Variants in TMPRSS15 observed in about 807,000 individuals in gnomAD.
TMPRSS15 encodes transmembrane serine protease 15, also known as enteropeptidase.
TMPRSS15 carries 128 observed loss-of-function variants against 125.3 expected under a neutral mutation model. The ratio of observed to expected loss-of-function variants is 1.02; its 90% CI spans 0.89 to 1.18. TMPRSS15 has a LOEUF of 1.18. TMPRSS15 is among the 50% of genes most tolerant of loss of function. TMPRSS15 has a pLI of 0.00. For synonymous variants in TMPRSS15, 446 were observed against 423.2 expected, an observed-to-expected ratio of 1.05 and a Z score of -0.66; for missense variants, 1,283 against 1,212.7, an observed-to-expected ratio of 1.06 and a Z score of -0.86.
intron 1 of TMPRSS15, among the ~76,000 whole-genome samples, chr21:18,453,607 T>C (rs1345304388): frequency 1.3e-5 from 2 of 152,050 alleles, no homozygotes; most frequent in Non-Finnish European, 2.9e-5. Flanking sequence ...CCTCAAAAAA[T>C]TAAAAATAGA....
chr21:18,316,270 T>G (rs571697045), intron 16 of TMPRSS15, among the ~76,000 whole-genome samples: 11 of 152,306 alleles, frequency 7.2e-5, no homozygotes, highest in Middle Eastern at 3.4e-3. Context: ...CCTCGTAATT[T>G]CGTTAGTATC....
intron 13 of TMPRSS15, among the ~76,000 whole-genome samples, chr21:18,340,797 C>T (rs2075438413): frequency 6.6e-6 from 1 of 152,138 alleles, no homozygotes; most frequent in Non-Finnish European, 1.5e-5. Context: ...GTGGCCAGTA[C>T]AACATTTGTT....
intron 18 of TMPRSS15, among the ~76,000 whole-genome samples, chr21:18,302,463 T>G (rs1268639434): frequency 6.6e-6 from 1 of 152,200 alleles, no homozygotes; most frequent in Non-Finnish European, 1.5e-5. Context: ...TATTTAACCA[T>G]GTATTGCATT....
At chr21:18,418,571 A>AC (rs905230629) in intron 1 of TMPRSS15, among the ~76,000 whole-genome samples, 75 of 151,278 alleles carry the variant, frequency 5.0e-4, no homozygotes, top group African/African-American at 1.7e-3. Flanking sequence ...GGAAAATGTT[A>AC]CCCCCCCAAT....
chr21:18,311,042 T>C (rs373815762), intron 18 of TMPRSS15, among the ~76,000 whole-genome samples: 20 of 151,332 alleles, frequency 1.3e-4, no homozygotes, highest in African/African-American at 4.4e-4. Context: ...ATATGAAGTA[T>C]GAAACTAGAC....
intron 6 of TMPRSS15, among the ~76,000 whole-genome samples, chr21:18,368,154 A>T (rs1188166566): frequency 1.3e-5 from 2 of 152,114 alleles, no homozygotes; most frequent in African/African-American, 2.4e-5. Flanking sequence ...ATCTGTAAAA[A>T]CCTGTTTGTA....
intron 3 of TMPRSS15, among the ~76,000 whole-genome samples, chr21:18,387,858 G>A (rs769733181): frequency 5.9e-5 from 9 of 152,212 alleles, no homozygotes; most frequent in East Asian, 3.9e-4. Context: ...TACAGTTGAC[G>A]TAGGTACTGT....
At chr21:18,392,776 A>C (rs1436634264) in intron 3 of TMPRSS15, among the ~76,000 whole-genome samples, 2 of 152,212 alleles carry the variant, frequency 1.3e-5, no homozygotes, top group Non-Finnish European at 2.9e-5. Flanking sequence ...CAGGAAACTT[A>C]AAATCATGGC....
intron 16 of TMPRSS15, among the ~76,000 whole-genome samples, chr21:18,324,345 C>T (rs1444179001): frequency 2.6e-5 from 4 of 152,126 alleles, no homozygotes; most frequent in African/African-American, 9.7e-5. Flanking sequence ...TTTCCTGCAG[C>T]AATTTTTGTG....
chr21:18,477,009 T>C (rs546548833), intron 1 of TMPRSS15, among the ~76,000 whole-genome samples: 81 of 152,208 alleles, frequency 5.3e-4, no homozygotes, highest in South Asian at 4.4e-3. Flanking sequence ...GGAAACTCTA[T>C]TACCCTATAT....
chr21:18,365,475 T>A (rs1196965921), intron 6 of TMPRSS15, among the ~76,000 whole-genome samples: 1 of 151,190 alleles, frequency 6.6e-6, no homozygotes, highest in African/African-American at 2.5e-5. Flanking sequence ...TCTCTCTTTC[T>A]CTCTTTCTTT....
At position 18,313,039 on chromosome 21, in the gene TMPRSS15, C is replaced by A. The variant is rs2146936188; in HGVS notation, c.2071G>T (p.Val691Leu). The change falls in exon 18 of 25, where the codon GTG becomes TTG. Residue 691 changes from valine to leucine, a missense_variant. Val to Leu is a conservative substitution (Grantham distance 32). Transcript: ENST00000284885. ...FNGTTNNNGL[V>L]RFRIQSIWHT... ...CATATGCTCTGGATTCTGAACCGCA[C>A]TAAACCATTGTTGTTCGTTGTGCCA... The A allele has an allele frequency of 6.2e-7, 1 of 1,613,958 alleles. No homozygotes were observed. Among genetic ancestry groups the A allele is most frequent in the Non-Finnish European group, 8.5e-7 (1 of 1,179,950 alleles).
At chr21:18,315,061 C>T (rs1380835179) in intron 17 of TMPRSS15, 85 bp downstream of exon 17, 12 of 1,110,834 alleles carry the variant, frequency 1.1e-5, no homozygotes, top group African/African-American at 1.5e-5. Context: ...TCCTAATAGA[C>T]ACAGTTATAA....
chr21:18,297,893 A>C, intron 18 of TMPRSS15, 64 bp from the exon 19 acceptor site: 1 of 1,268,828 alleles, frequency 7.9e-7, no homozygotes, highest in Non-Finnish European at 1.1e-6. Context: ...CATAAGTTAG[A>C]CTTTCAGTTC....
chr21:18,417,909 A>G (rs1217538517), intron 1 of TMPRSS15, among the ~76,000 whole-genome samples: 1 of 152,182 alleles, frequency 6.6e-6, no homozygotes, highest in Non-Finnish European at 1.5e-5. Flanking sequence ...ATATTCACAC[A>G]CATACACCTA....
At chr21:18,279,112 G>T in intron 22 of TMPRSS15, 53 bp from the exon 23 acceptor site, 2 of 936,232 alleles carry the variant, frequency 2.1e-6, no homozygotes, top group Non-Finnish European at 3.5e-6. Context: ...AGAAAGAACA[G>T]ATTTACAAGC....
chr21:18,313,114 A>G, intron 17 of TMPRSS15, 37 bp from the exon 18 acceptor site: 1 of 1,466,846 alleles, frequency 6.8e-7, no homozygotes, highest in Non-Finnish European at 9.6e-7. Flanking sequence ...GTTACCAGAG[A>G]CTGAAGGGTG....
chr21:18,356,314 A>G (rs1437855849), intron 8 of TMPRSS15, among the ~76,000 whole-genome samples: 3 of 151,774 alleles, frequency 2.0e-5, no homozygotes, highest in African/African-American at 7.2e-5. Flanking sequence ...TATATTATCC[A>G]ATTTATAAGA....
intron 16 of TMPRSS15, among the ~76,000 whole-genome samples, chr21:18,318,549 C>T (rs2075198381): frequency 6.6e-6 from 1 of 152,168 alleles, no homozygotes; most frequent in Non-Finnish European, 1.5e-5. Context: ...AAGCCAAGGT[C>T]TGTGCCTGAG....
Sources: allele counts gnomAD v4.1 joint callset (sites outside exome capture counted in the v4.1 genomes callset), GRCh38; gene constraint gnomAD v4.1.1; transcripts MANE v1.5; gene names NCBI Gene and HGNC (gene_info 2026-07-23, HGNC 2026-07-21).